ARHGEF18: variants seen among roughly 807,000 people sequenced by gnomAD.
The protein encoded by ARHGEF18 is rho guanine nucleotide exchange factor 18.
Under a neutral mutation model 155.7 loss-of-function variants are expected in ARHGEF18, and 93 were observed. The ratio of observed to expected loss-of-function variants is 0.60; its 90% CI spans 0.50 to 0.71. ARHGEF18 has a LOEUF of 0.71. ARHGEF18 is among the 30% of genes least tolerant of loss of function. The pLI is 0.00. For missense variants in ARHGEF18, 1,593 were observed against 1,816.1 expected, an observed-to-expected ratio of 0.88 and a Z score of 2.23; for synonymous variants, 742 against 753.1, an observed-to-expected ratio of 0.99 and a Z score of 0.24.
chr19:7,440,381 C>T lies in ARHGEF18; in HGVS notation c.1005C>T (p.Ser335=), dbSNP rs372445597. ...AGCACCCCCGGGGCACCCTCCTGTC[C>T]GATGGCAGCCCGGCCCTGTCCAGGA... ...LKEHPRGTLL[S]DGSPALSRNV... Residue 335 remains serine, a synonymous_variant, in exon 11 of 29, where the codon TCC becomes TCT. Coordinates refer to ENST00000668164, the MANE Select transcript of ARHGEF18 (RefSeq NM_001367823.1). This position sits in a 1 kb window ranked among gnomAD's most constrained non-coding sequence, Gnocchi z 5.4. 4.2e-5 allele frequency: 68 copies of T among 1,610,834 alleles called. No individual in the cohort carries two copies. In the African/African-American group the frequency reaches 8.5e-4, roughly 20 times the overall value.
intron 10 of ARHGEF18, among the ~76,000 whole-genome samples, chr19:7,428,618 G>C (rs1973785967): frequency 6.6e-6 from 1 of 152,044 alleles, no homozygotes; most frequent in South Asian, 2.1e-4. Flanking sequence ...GAGGCAGGAG[G>C]ATCACTTGAG....
chr19:7,389,314 A>G (rs1971258769), intron 10 of ARHGEF18, among the ~76,000 whole-genome samples: 3 of 140,964 alleles, frequency 2.1e-5, no homozygotes, highest in East Asian at 2.2e-4. Flanking sequence ...TCATACCAGG[A>G]TAATTTTTTT....
At chr19:7,363,614 G>A (rs151322902) in intron 2 of ARHGEF18, among the ~76,000 whole-genome samples, 32 of 151,788 alleles carry the variant, frequency 2.1e-4, no homozygotes, top group Non-Finnish European at 3.7e-4. Flanking sequence ...ATGGATGGAT[G>A]AAAGGAAAGA....
downstream of ARHGEF18, chr19:7,472,924 A>C (rs1422004747): frequency 2.2e-6 from 1 of 451,490 alleles, no homozygotes; most frequent in Non-Finnish European, 4.5e-6. Flanking sequence ...CTGGTCTCGA[A>C]CTCCTGACCT....
At chr19:7,403,956 T>C (rs576546072) in intron 10 of ARHGEF18, among the ~76,000 whole-genome samples, 2 of 147,646 alleles carry the variant, frequency 1.4e-5, no homozygotes, top group Admixed American at 6.6e-5. Flanking sequence ...TCCCAGCTAC[T>C]GATGAGGCTG....
chr19:7,436,197 CTT>C (rs567879436), intron 10 of ARHGEF18, among the ~76,000 whole-genome samples: 239 of 78,472 alleles, frequency 3.0e-3, no homozygotes, highest in Middle Eastern at 7.4e-3. Context: ...AGCATTTCTT[CTT>C]TTTTTTTTTT....
chr19:7,466,381 CAAA>C (rs3030730), intron 23 of ARHGEF18, among the ~76,000 whole-genome samples: 18 of 98,530 alleles, frequency 1.8e-4, no homozygotes, highest in African/African-American at 4.6e-4. Flanking sequence ...AACTCCATCT[CAAA>C]AAAAAAAAAA....
the ARHGEF18 span, among the ~76,000 whole-genome samples, chr19:7,477,805 T>A: frequency 6.6e-6 from 1 of 152,312 alleles, no homozygotes; most frequent in South Asian, 2.1e-4. Flanking sequence ...TTTATCAGGA[T>A]GACACAGTGA....
chr19:7,400,952 C>T (rs1971995133), intron 10 of ARHGEF18, among the ~76,000 whole-genome samples: 1 of 152,186 alleles, frequency 6.6e-6, no homozygotes, highest in African/African-American at 2.4e-5. Context: ...AATCTAGCAT[C>T]ATCTTGCATA....
chr19:7,379,154 G>C lies in ARHGEF18; in HGVS notation c.632G>C (p.Arg211Pro). 8.1e-7 allele frequency: 1 copy of C among 1,232,752 alleles called. No homozygotes were observed. The highest frequency in any genetic ancestry group is 4.2e-5 in the Admixed American group (1 of 23,710). 76.4% of individuals were successfully genotyped at this position (1,232,752 alleles called of 1,614,324 possible). A position where few individuals can be genotyped will look rare whatever the true frequency, so the allele number is the denominator to read the frequency against. The change falls in exon 7 of 29, where the codon CGA becomes CCA. Residue 211 changes from arginine (R) to proline (P), a missense_variant. Arg to Pro is a moderately radical substitution (Grantham distance 103). Transcript: ENST00000668164. ...LIVQQVLQEL[R>P]QYHGARQRAC... ...GTCCAGCAGGTGCTTCAAGAACTTCGACAGTACCATGGGTAAGTGGGAATC... is the reference window on the plus strand; with the variant it reads ...GTCCAGCAGGTGCTTCAAGAACTTCCACAGTACCATGGGTAAGTGGGAATC...
In ARHGEF18 at chr19:7,470,325, C is replaced by T. The variant is rs758934689; in HGVS notation, c.*27C>T. The T allele has an allele frequency of 5.2e-5, 76 of 1,451,880 alleles. No individual in the cohort carries two copies. Among genetic ancestry groups the T allele is most frequent in the Non-Finnish European group, 6.3e-5 (69 of 1,097,974 alleles). 89.9% of individuals were successfully genotyped at this position (1,451,880 alleles called of 1,614,324 possible). On this transcript the variant is annotated 3_prime_UTR_variant, in exon 29 of 29. Transcript: ENST00000668164. The surrounding 1 kb of genome is among the most constrained non-coding windows in gnomAD (Gnocchi z 5.9). ...AGGGCCGTGACTCAAGGTGCAAGGC[C>T]CCTCCCTGCCCTGCCCACCCTTCCT...
In ARHGEF18 at chr19:7,440,723, G is replaced by A. The variant is rs892426211; in HGVS notation, c.1106+241G>A. Among the ~76,000 whole-genome samples, 2 of 152,128 alleles carry A rather than the reference G, an allele frequency of 1.3e-5. No individual in the cohort carries two copies. Among genetic ancestry groups the A allele is most frequent in the African/African-American group, 2.4e-5 (1 of 41,418 alleles). On this transcript the variant is annotated intron_variant, in intron 11 of 28. Coordinates refer to ENST00000668164, the MANE Select transcript of ARHGEF18 (RefSeq NM_001367823.1). This position sits in a 1 kb window ranked among gnomAD's most constrained non-coding sequence, Gnocchi z 5.4. ...AGCCAGTTTGCTTAGTGCCCTCGAG[G>A]GATCCTTGGACTCGCTCCTTAGGCC... is the stretch of plus-strand genomic sequence containing the variant.
intron 10 of ARHGEF18, among the ~76,000 whole-genome samples, chr19:7,429,528 G>C (rs934570764): frequency 6.6e-6 from 1 of 152,048 alleles, no homozygotes; most frequent in Non-Finnish European, 1.5e-5. Context: ...GCTTGAACCC[G>C]GGAGGCGGAG....
chr19:7,479,854 G>T, the ARHGEF18 span, among the ~76,000 whole-genome samples: 1 of 152,196 alleles, frequency 6.6e-6, no homozygotes, highest in East Asian at 1.9e-4. Flanking sequence ...GGCATCAGTT[G>T]TAACAAATGC....
At chr19:7,362,335 G>A (rs1306377094) in intron 1 of ARHGEF18, among the ~76,000 whole-genome samples, 1 of 144,722 alleles carries the variant, frequency 6.9e-6, no homozygotes, top group Non-Finnish European at 1.5e-5. Context: ...GGTGGAGGAG[G>A]AGGAGGAAGA....
chr19:7,390,258 GC>G (rs1971322378), intron 10 of ARHGEF18, among the ~76,000 whole-genome samples: 1 of 152,124 alleles, frequency 6.6e-6, no homozygotes, highest in Admixed American at 6.6e-5. Flanking sequence ...TGTAATCCCA[GC>G]ACTTTGGGAG....
chr19:7,353,434 C>CA (rs113222390), intron 1 of ARHGEF18, among the ~76,000 whole-genome samples: 7,052 of 151,252 alleles, frequency 0.047, 544 homozygotes, highest in African/African-American at 0.16. Context: ...ACTAAGAATA[C>CA]AAAAAATTAG....
chr19:7,437,300 T>C (rs565756458), intron 10 of ARHGEF18, among the ~76,000 whole-genome samples: 3 of 145,898 alleles, frequency 2.1e-5, no homozygotes, highest in East Asian at 4.2e-4. Context: ...TGGTGGCACA[T>C]GCCTGTAATC....
rs962684581 is a variant in ARHGEF18, at chr19:7,471,235, T to C, written c.*937T>C. On this transcript the variant is annotated 3_prime_UTR_variant, in exon 29 of 29. Coordinates refer to ENST00000668164, the MANE Select transcript of ARHGEF18 (RefSeq NM_001367823.1). The surrounding 1 kb of genome is among the most constrained non-coding windows in gnomAD (Gnocchi z 4.4). ...ACATCACAGACTGTCGAGAGCGCCATGTCCCAGGGCATGCAGAGGATGCAC... is the reference window on the plus strand; with the variant it reads ...ACATCACAGACTGTCGAGAGCGCCACGTCCCAGGGCATGCAGAGGATGCAC... 3 of 165,656 alleles carry C rather than the reference T, an allele frequency of 1.8e-5. No homozygotes were observed. Among genetic ancestry groups the C allele is most frequent in the Non-Finnish European group, 3.9e-5 (3 of 77,350 alleles). 10.3% of individuals were successfully genotyped at this position (165,656 alleles called of 1,614,324 possible).
Sources: allele counts gnomAD v4.1 joint callset (sites outside exome capture counted in the v4.1 genomes callset), GRCh38; gene constraint gnomAD v4.1.1; non-coding constraint Gnocchi (gnomAD v3.1); transcripts MANE v1.5; gene names NCBI Gene and HGNC (gene_info 2026-07-23, HGNC 2026-07-21).